Variants in TNK2 observed in about 807,000 individuals in gnomAD.
TNK2 encodes tyrosine kinase non receptor 2.
Under a neutral mutation model 101.8 loss-of-function variants are expected in TNK2, and 83 were observed. The ratio of observed to expected loss-of-function variants is 0.82; its 90% CI spans 0.68 to 0.98. The LOEUF (loss-of-function observed/expected upper bound fraction) is 0.98. Ranked by LOEUF, TNK2 falls within the 50% of genes least tolerant of loss-of-function variation. The pLI is 0.00. For missense variants in TNK2, 1,665 were observed against 1,483.2 expected, an observed-to-expected ratio of 1.12 and a Z score of -2.01; for synonymous variants, 804 against 633.0, an observed-to-expected ratio of 1.27 and a Z score of -4.06.
At chr3:195,893,144 C>A (rs1759276607) in intron 1 of TNK2, among the ~76,000 whole-genome samples, 1 of 151,994 alleles carries the variant, frequency 6.6e-6, no homozygotes, top group South Asian at 2.1e-4. Flanking sequence ...GGCTTGGACC[C>A]CAGAGGCTCC....
chr3:195,882,059 G>C lies in TNK2; in HGVS notation c.879C>G (p.Pro293=). The change falls in exon 6 of 16, where the codon CCC becomes CCG. Residue 293 remains proline, a synonymous_variant. Transcript: ENST00000672887. The surrounding 1 kb of genome is among the most constrained non-coding windows in gnomAD (Gnocchi z 4.2). ...CAGCACCTGCCCCTCACCAGGCGAA[G>C]GGCACCTTGCGATGTTCCTGCATGA... ...HYVMQEHRKV[P]FAWCAPESLK... 6.2e-7 allele frequency: 1 copy of C among 1,608,552 alleles called. No homozygotes were observed. The highest frequency in any genetic ancestry group is 8.5e-7 in the Non-Finnish European group (1 of 1,175,900).
chr3:195,888,499 G>A lies in TNK2; in HGVS notation c.90C>T (p.Leu30=). The A allele has an allele frequency of 6.2e-7, 1 of 1,613,982 alleles. No individual in the cohort carries two copies. The highest frequency in any genetic ancestry group is 8.5e-7 in the Non-Finnish European group (1 of 1,180,006). The change falls in exon 2 of 16, where the codon CTC becomes CTT. Residue 30 remains leucine, a synonymous_variant. Coordinates refer to ENST00000672887, the MANE Select transcript of TNK2 (RefSeq NM_001382273.1). The surrounding 1 kb of genome is among the most constrained non-coding windows in gnomAD (Gnocchi z 5.3). ...QQYFLRLRDD[L]NVTRLSHFEY... ...CAAAGTGGGACAGGCGGGTGACGTT[G>A]AGGTCATCTCGGAGCCGCAGGAAGT...
intron 9 of TNK2, chr3:195,872,714 G>T (rs1577019048): frequency 2.0e-6 from 1 of 503,730 alleles, no homozygotes; most frequent in East Asian, 3.5e-5. Context: ...CCTATGGTTT[G>T]CAAATAAGGA....
intron 6 of TNK2, 56 bp from the exon 7 acceptor site, chr3:195,879,231 C>T: frequency 6.2e-7 from 1 of 1,602,714 alleles, no homozygotes; most frequent in East Asian, 2.2e-5. Context: ...CTGCGTCCGC[C>T]CCAGGGACTT....
intron 1 of TNK2, among the ~76,000 whole-genome samples, chr3:195,907,468 C>G (rs1033898220): frequency 6.6e-6 from 1 of 152,214 alleles, no homozygotes; most frequent in African/African-American, 2.4e-5. Context: ...GGAGGGTCCT[C>G]TAGCTAAGGC....
chr3:195,885,255 C>A lies in TNK2; in HGVS notation c.235-222G>T. 1 of 1,112,594 alleles carries A rather than the reference C, an allele frequency of 9.0e-7. No individual in the cohort carries two copies. The highest frequency in any genetic ancestry group is 2.6e-5 in the East Asian group (1 of 38,134). The allele number at this position is 1,112,594 out of a possible 1,614,324, so 68.9% of individuals were successfully genotyped here. A position where few individuals can be genotyped will look rare whatever the true frequency, so the allele number is the denominator to read the frequency against. ...CCTGATGCTGGCCTCAAGGAGGGTG[C>A]CAGAAAGAGACCGACAGGCATGCAG... On this transcript the variant is annotated intron_variant, in intron 3 of 15. Coordinates refer to ENST00000672887, the MANE Select transcript of TNK2 (RefSeq NM_001382273.1). The surrounding 1 kb of genome is among the most constrained non-coding windows in gnomAD (Gnocchi z 4.7).
rs1007853359 is a variant in TNK2, at chr3:195,868,211, G to T, written c.2087C>A (p.Pro696His). The change falls in exon 13 of 16, where the codon CCT (proline) becomes CAT (histidine). Residue 696 changes from proline (P) to histidine (H), a missense_variant. Physicochemically the swap from Pro to His is moderately conservative, Grantham distance 77. Coordinates refer to ENST00000672887, the MANE Select transcript of TNK2 (RefSeq NM_001382273.1). ...AFVPEQARPPPPLEDNLFLPP... is the reference protein window; with the variant it reads ...AFVPEQARPPHPLEDNLFLPP... ...GAGGAACAGGTTGTCCTCCAGGGGA[G>T]GGGGCGGCCGCGCCTGCTCAGGCAC... 25 of 1,607,360 alleles carry T rather than the reference G, an allele frequency of 1.6e-5. No homozygotes were observed. The highest frequency in any genetic ancestry group is 2.0e-5 in the Non-Finnish European group (24 of 1,178,900).
At position 195,878,600 on chromosome 3, in the gene TNK2, TGAG is replaced by T; in HGVS notation, c.1015-11_1015-9del. The T allele has an allele frequency of 1.2e-6, 2 of 1,610,006 alleles. No homozygotes were observed. Among genetic ancestry groups the T allele is most frequent in the Non-Finnish European group, 1.7e-6 (2 of 1,178,194 alleles). On this transcript the variant is annotated splice_polypyrimidine_tract_variant and intron_variant, in intron 7 of 15. Transcript: ENST00000672887. This position sits in a 1 kb window ranked among gnomAD's most constrained non-coding sequence, Gnocchi z 4.7. Reference sequence around the variant, plus strand: ...GTCGATCTTATGCAGGATCTGAAGGTGAGGAGGTGCAGAGTTTGACGACAAACA... The same window carrying T: ...GTCGATCTTATGCAGGATCTGAAGGTGAGGTGCAGAGTTTGACGACAAACA...
chr3:195,870,507 G>A (rs574273816), intron 10 of TNK2: 37 of 868,888 alleles, frequency 4.3e-5, no homozygotes, highest in Middle Eastern at 4.0e-4. Context: ...CCCACACCAG[G>A]CAGCGGCCAG....
intron 1 of TNK2, among the ~76,000 whole-genome samples, chr3:195,894,925 C>T (rs929458289): frequency 6.6e-6 from 1 of 152,220 alleles, no homozygotes; most frequent in African/African-American, 2.4e-5. Flanking sequence ...AACGGGAATG[C>T]CCAGGACATA....
intron 9 of TNK2, among the ~76,000 whole-genome samples, chr3:195,875,655 G>A (rs1202354180): frequency 3.5e-5 from 4 of 114,024 alleles, no homozygotes; most frequent in Admixed American, 1.6e-4. Context: ...CCCTGTCCGC[G>A]CCCTCTCTCT....
Position 195,888,754 on chromosome 3 carries a change from C to G in TNK2, c.-18-148G>C. The G allele has an allele frequency of 1.3e-6, 1 of 742,030 alleles. No homozygotes were observed. Among genetic ancestry groups the G allele is most frequent in the Non-Finnish European group, 2.1e-6 (1 of 470,822 alleles). 46.0% of individuals were successfully genotyped at this position (742,030 alleles called of 1,614,324 possible). ...GACTCCCGAGGGAAGCTACCGAGAA[C>G]CGCCTGGACCCACGTCCCCTATTCC... On this transcript the variant is annotated intron_variant, in intron 1 of 15. Coordinates refer to ENST00000672887, the MANE Select transcript of TNK2 (RefSeq NM_001382273.1). The surrounding 1 kb of genome is among the most constrained non-coding windows in gnomAD (Gnocchi z 5.3).
intron 1 of TNK2, chr3:195,895,355 C>A (rs760232050): frequency 1.3e-6 from 2 of 1,558,664 alleles, no homozygotes; most frequent in Non-Finnish European, 1.7e-6. Context: ...CCGCAGCCCC[C>A]GCCCCGCAGC....
intron 4 of TNK2, chr3:195,883,888 T>C (rs1754394323): frequency 6.6e-6 from 1 of 152,518 alleles, no homozygotes. Flanking sequence ...GTAAATGTAA[T>C]GCCAAAAACA....
chr3:195,879,259 A>T, intron 6 of TNK2, 84 bp from the exon 7 acceptor site: 1 of 1,574,610 alleles, frequency 6.4e-7, no homozygotes, highest in Non-Finnish European at 8.6e-7. Context: ...TCATGCAGCA[A>T]ACACTTGTTG....
rs1738889212 is a variant in TNK2 at position 195,863,978 on chromosome 3, A to C, written c.*203T>G. On this transcript the variant is annotated 3_prime_UTR_variant, in exon 16 of 16. Coordinates refer to ENST00000672887, the MANE Select transcript of TNK2 (RefSeq NM_001382273.1). Reference sequence around the variant, plus strand: ...TTGGCAGGGGCACCGGGACTGAACCAAAGTGTGCAGGGACAGCGCTGGTGC... The same window carrying C: ...TTGGCAGGGGCACCGGGACTGAACCCAAGTGTGCAGGGACAGCGCTGGTGC... The C allele has an allele frequency of 1.3e-5, 8 of 614,510 alleles. No homozygotes were observed. The highest frequency in any genetic ancestry group is 1.1e-4 in the South Asian group (5 of 45,420). 38.1% of individuals were successfully genotyped at this position (614,510 alleles called of 1,614,324 possible). A position where few individuals can be genotyped will look rare whatever the true frequency, so the allele number is the denominator to read the frequency against.
intron 9 of TNK2, among the ~76,000 whole-genome samples, chr3:195,875,520 T>G (rs1748587577): frequency 1.3e-5 from 2 of 151,758 alleles, no homozygotes; most frequent in African/African-American, 2.4e-5. Flanking sequence ...ATCCCAAGGC[T>G]CCAGTGGGAC....
chr3:195,892,467 G>A (rs745897295), intron 1 of TNK2: 1 of 1,535,580 alleles, frequency 6.5e-7, no homozygotes, highest in South Asian at 1.2e-5. Context: ...TCCAGGCCAG[G>A]GAACCGACGT....
chr3:195,890,683 C>T (rs1364619318), intron 1 of TNK2, among the ~76,000 whole-genome samples: 9 of 152,190 alleles, frequency 5.9e-5, no homozygotes, highest in Non-Finnish European at 1.2e-4. Context: ...AAGTGATCCA[C>T]CTGCCCTGGC....
Sources: allele counts gnomAD v4.1 joint callset (sites outside exome capture counted in the v4.1 genomes callset), GRCh38; gene constraint gnomAD v4.1.1; non-coding constraint Gnocchi (gnomAD v3.1); transcripts MANE v1.5; gene names NCBI Gene and HGNC (gene_info 2026-07-23, HGNC 2026-07-21).